Variants in VAC14 observed in about 807,000 individuals in gnomAD.
The protein encoded by VAC14 is VAC14 component of PIKFYVE complex.
Under a neutral mutation model 85.3 loss-of-function variants are expected in VAC14, and 47 were observed. That is an observed-to-expected ratio of 0.55 (90% CI 0.44 to 0.70). The LOEUF (loss-of-function observed/expected upper bound fraction) is 0.70. VAC14 is among the 30% of genes least tolerant of loss of function. VAC14 has a pLI of 0.00. For missense variants in VAC14, 861 were observed against 1,004.3 expected, an observed-to-expected ratio of 0.86 and a Z score of 1.93; for synonymous variants, 447 against 430.5, an observed-to-expected ratio of 1.04 and a Z score of -0.47.
At chr16:70,755,943 G>T (rs1484726010) in intron 12 of VAC14, 1 of 452,970 alleles carries the variant, frequency 2.2e-6, no homozygotes, top group East Asian at 6.9e-5. Context: ...ACAGCTCGGG[G>T]GTTTGGGGCT....
chr16:70,756,211 C>A, intron 12 of VAC14: 1 of 396,606 alleles, frequency 2.5e-6, no homozygotes, highest in Middle Eastern at 4.0e-4. Flanking sequence ...CCCAGCTCTG[C>A]TCTGCTCTGC....
chr16:70,760,972 T>G (rs1396971812), intron 12 of VAC14, among the ~76,000 whole-genome samples: 1 of 89,088 alleles, frequency 1.1e-5, no homozygotes, highest in African/African-American at 7.5e-5. Flanking sequence ...GGTGTGTGTG[T>G]GTGTGTGTGT....
chr16:70,687,717 T>C lies in VAC14; in HGVS notation c.*211A>G. On this transcript the variant is annotated 3_prime_UTR_variant, in exon 19 of 19. Transcript: ENST00000261776. The stretch of plus-strand genomic sequence containing the variant: ...GGGTGGGCAGCCAGCTCTGTGAGAA[T>C]GCCAGGGTGCAGCTGACAGCGCTGG... 2.2e-6 allele frequency: 1 copy of C among 448,312 alleles called. No individual in the cohort carries two copies. The highest frequency in any genetic ancestry group is 3.7e-6 in the Non-Finnish European group (1 of 272,470). The allele number at this position is 448,312 out of a possible 1,614,324, so 27.8% of individuals were successfully genotyped here.
At chr16:70,728,903 C>T (rs532868266) in intron 14 of VAC14, among the ~76,000 whole-genome samples, 2 of 152,336 alleles carry the variant, frequency 1.3e-5, no homozygotes, top group East Asian at 1.9e-4. Flanking sequence ...GGGAACATTC[C>T]GCTGCTTTCC....
At chr16:70,705,627 T>G (rs1343855691) in intron 14 of VAC14, among the ~76,000 whole-genome samples, 1 of 152,134 alleles carries the variant, frequency 6.6e-6, no homozygotes, top group Admixed American at 6.5e-5. Context: ...GACAGCAAGG[T>G]TGAGAGATGA....
Position 70,704,544 on chromosome 16 carries a change from C to T in VAC14, c.1662-5733G>A, listed in dbSNP as rs544354531. On this transcript the variant is annotated intron_variant, in intron 14 of 18. Transcript: ENST00000261776. ...CAGAAGAGGGGCTGTGCAAACACTGCTGTCTGAGGGTGCAGCTGGCTGTGG... is the reference window on the plus strand; with the variant it reads ...CAGAAGAGGGGCTGTGCAAACACTGTTGTCTGAGGGTGCAGCTGGCTGTGG... Among the ~76,000 whole-genome samples, 268 of 152,334 alleles carry T rather than the reference C, an allele frequency of 1.8e-3. 1 individual carries two copies. Among genetic ancestry groups the T allele is most frequent in the Middle Eastern group, 0.017 (5 of 294 alleles).
intron 12 of VAC14, among the ~76,000 whole-genome samples, chr16:70,748,733 C>T (rs554105154): frequency 9.2e-5 from 14 of 152,202 alleles, no homozygotes; most frequent in Middle Eastern, 3.4e-3. Flanking sequence ...GATCACCTGA[C>T]GTCAGGAATT....
intron 17 of VAC14, 77 bp downstream of exon 17, chr16:70,695,467 G>A: frequency 6.8e-7 from 1 of 1,478,000 alleles, no homozygotes; most frequent in Non-Finnish European, 9.4e-7. Context: ...GAGACCAACT[G>A]GAGCTTGACT....
At chr16:70,754,681 G>A (rs2031683631) in intron 12 of VAC14, among the ~76,000 whole-genome samples, 1 of 152,174 alleles carries the variant, frequency 6.6e-6, no homozygotes, top group Non-Finnish European at 1.5e-5. Context: ...CTGCAGGCTG[G>A]GCTCTTGCAA....
chr16:70,708,304 G>A (rs2053961604), intron 14 of VAC14, among the ~76,000 whole-genome samples: 1 of 152,330 alleles, frequency 6.6e-6, no homozygotes, highest in South Asian at 2.1e-4. Flanking sequence ...ACAAGGCCTA[G>A]GGCTGGGCCC....
At chr16:70,785,981 T>G in intron 2 of VAC14, 112 bp from the exon 3 acceptor site, 8 of 1,370,168 alleles carry the variant, frequency 5.8e-6, no homozygotes, top group Non-Finnish European at 7.8e-6. Context: ...GGCCTTTGTG[T>G]GAGGGCTGGG....
In VAC14 at chr16:70,731,636, A is replaced by G. The variant is rs200282932; in HGVS notation, c.1529-9T>C. 166 of 1,613,502 alleles carry G rather than the reference A, an allele frequency of 1.0e-4. No homozygotes were observed. The highest frequency in any genetic ancestry group is 1.6e-4 in the Middle Eastern group (1 of 6,084). On this transcript the variant is annotated splice_polypyrimidine_tract_variant and intron_variant, in intron 13 of 18. Coordinates refer to ENST00000261776, the MANE Select transcript of VAC14 (RefSeq NM_018052.5). ...TTCTAAGCCTTTGGTACCTGTAGAG[A>G]AAGGGATAGAGCCAGCATTTATTCT...
intron 14 of VAC14, chr16:70,716,583 A>T (rs999986513): frequency 6.6e-6 from 1 of 152,282 alleles, no homozygotes; most frequent in African/African-American, 2.4e-5. Context: ...CAACTGGCCC[A>T]TAAGGTCCCT....
At chr16:70,717,648 T>C (rs758282149) in intron 14 of VAC14, among the ~76,000 whole-genome samples, 7 of 152,024 alleles carry the variant, frequency 4.6e-5, no homozygotes, top group Non-Finnish European at 7.4e-5. Flanking sequence ...GGTTTGAGTA[T>C]TCATTTTTTT....
intron 12 of VAC14, among the ~76,000 whole-genome samples, chr16:70,746,453 C>T (rs2030897176): frequency 6.6e-6 from 1 of 152,218 alleles, no homozygotes; most frequent in African/African-American, 2.4e-5. Context: ...AAAGGTGAGT[C>T]ACAGCCACCC....
chr16:70,796,428 T>C (rs1223786103), intron 1 of VAC14, among the ~76,000 whole-genome samples: 1 of 152,214 alleles, frequency 6.6e-6, no homozygotes. Context: ...CTAAAACCAC[T>C]GTGGAGAATT....
At chr16:70,777,145 A>G (rs2033562065) in intron 9 of VAC14, among the ~76,000 whole-genome samples, 1 of 151,928 alleles carries the variant, frequency 6.6e-6, no homozygotes. Flanking sequence ...GGGTTTCACC[A>G]TGTTGGCCAG....
At chr16:70,694,266 G>C (rs2053661334) in intron 17 of VAC14, among the ~76,000 whole-genome samples, 1 of 152,226 alleles carries the variant, frequency 6.6e-6, no homozygotes. Context: ...TGTACAACTG[G>C]AGAGATGAGT....
At chr16:70,735,732 G>C (rs1567550856) in intron 13 of VAC14, among the ~76,000 whole-genome samples, 1 of 152,276 alleles carries the variant, frequency 6.6e-6, no homozygotes, top group African/African-American at 2.4e-5. Context: ...CCCTGAGTGA[G>C]AAGGCCAGTT....
Sources: allele counts gnomAD v4.1 joint callset (sites outside exome capture counted in the v4.1 genomes callset), GRCh38; gene constraint gnomAD v4.1.1; transcripts MANE v1.5; gene names NCBI Gene and HGNC (gene_info 2026-07-23, HGNC 2026-07-21).